The following PRDM16 variants were observed in gnomAD, a reference collection of about 807,000 sequenced individuals.
PRDM16 encodes the protein PR/SET domain 16.
In PRDM16, 23 loss-of-function variants were observed where a neutral mutation model predicts 110.6. That is an observed-to-expected ratio of 0.21 (90% confidence interval 0.15 to 0.29). The LOEUF (loss-of-function observed/expected upper bound fraction) is 0.29. Ranked by LOEUF, PRDM16 falls within the 10% of genes least tolerant of loss-of-function variation. The probability of loss-of-function intolerance (pLI) is 1.00; values close to 1 mark genes in which losing one functional copy is unlikely to be tolerated. For synonymous variants in PRDM16, 799 were observed against 781.8 expected (o/e 1.02, Z -0.37); for missense variants, 1,615 against 1,794.3 (o/e 0.90, Z 1.81).
At chr1:3,342,885 C>A (rs1642299286) in intron 3 of PRDM16, among the ~76,000 whole-genome samples, 1 of 152,158 alleles carries the variant, frequency 6.6e-6, no homozygotes, top group African/African-American at 2.4e-5. Flanking sequence ...GTTGTCTATC[C>A]ACTGTCCTAG....
At chr1:3,154,715 C>A (rs1437291178) in intron 1 of PRDM16, among the ~76,000 whole-genome samples, 1 of 152,160 alleles carries the variant, frequency 6.6e-6, no homozygotes, top group East Asian at 1.9e-4. Flanking sequence ...AGGCATGGAG[C>A]CCTGGTTGAG....
intron 1 of PRDM16, among the ~76,000 whole-genome samples, chr1:3,124,433 C>A (rs1643161823): frequency 6.6e-6 from 1 of 152,148 alleles, no homozygotes; most frequent in African/African-American, 2.4e-5. Context: ...GCTCCCGTGG[C>A]CTCTAAACAT....
intron 1 of PRDM16, among the ~76,000 whole-genome samples, chr1:3,111,354 C>G (rs1557453257): frequency 6.8e-6 from 1 of 147,510 alleles, no homozygotes; most frequent in Admixed American, 6.9e-5. Context: ...ACAAGAGTCT[C>G]CCTCCTGAAG....
intron 3 of PRDM16, among the ~76,000 whole-genome samples, chr1:3,376,840 C>T (rs2100588591): frequency 6.6e-6 from 1 of 152,104 alleles, no homozygotes; most frequent in South Asian, 2.1e-4. Flanking sequence ...CTCCTGTGTC[C>T]CTGGCCGTGG....
intron 2 of PRDM16, among the ~76,000 whole-genome samples, chr1:3,219,283 C>T (rs900755504): frequency 2.6e-5 from 4 of 152,240 alleles, no homozygotes; most frequent in South Asian, 4.1e-4. Flanking sequence ...GGAGTGTCAG[C>T]GCAGTGAAAG....
intron 12 of PRDM16, among the ~76,000 whole-genome samples, chr1:3,419,697 G>A (rs1358337435): frequency 1.3e-5 from 2 of 152,052 alleles, no homozygotes; most frequent in East Asian, 3.9e-4. Context: ...GAGCTAGAGG[G>A]GCCACATGAT....
At chr1:3,360,694 C>A (rs1376312840) in intron 3 of PRDM16, among the ~76,000 whole-genome samples, 1 of 152,210 alleles carries the variant, frequency 6.6e-6, no homozygotes, top group Non-Finnish European at 1.5e-5. Context: ...GGCCTCTGGG[C>A]AGACCTGGGT....
At chr1:3,293,504 C>T (rs752650128) in intron 3 of PRDM16, among the ~76,000 whole-genome samples, 20 of 152,204 alleles carry the variant, frequency 1.3e-4, no homozygotes, top group Non-Finnish European at 8.8e-5. Context: ...AACGTTGGAA[C>T]GCAAACTTAT....
At chr1:3,181,183 C>CACA (rs1557508222) in intron 1 of PRDM16, among the ~76,000 whole-genome samples, 1 of 149,648 alleles carries the variant, frequency 6.7e-6, no homozygotes, top group Non-Finnish European at 1.5e-5. Flanking sequence ...GTCTTACACA[C>CACA]GCAGTCTTAC....
At chr1:3,431,216 C>A in intron 15 of PRDM16, 108 bp downstream of exon 15, 13 of 1,463,920 alleles carry the variant, frequency 8.9e-6, no homozygotes, top group Non-Finnish European at 1.2e-5. Flanking sequence ...TGGCTCAGCC[C>A]CTACTCCAGC....
At chr1:3,357,792 C>G (rs1642637996) in intron 3 of PRDM16, among the ~76,000 whole-genome samples, 2 of 152,244 alleles carry the variant, frequency 1.3e-5, no homozygotes, top group East Asian at 3.8e-4. Context: ...TGGTTGTCAC[C>G]TCTGGGGGTG....
At chr1:3,424,619 A>C (rs1326291200) in intron 12 of PRDM16, among the ~76,000 whole-genome samples, 1 of 152,250 alleles carries the variant, frequency 6.6e-6, no homozygotes, top group East Asian at 1.9e-4. Context: ...CAGTGCCCAA[A>C]GGGGCCAGTG....
At chr1:3,424,544 G>A (rs375453160) in intron 12 of PRDM16, among the ~76,000 whole-genome samples, 5 of 152,262 alleles carry the variant, frequency 3.3e-5, no homozygotes, top group Non-Finnish European at 7.3e-5. Flanking sequence ...CCACGTGCAC[G>A]GTGCAGGCCG....
chr1:3,338,368 T>C (rs1164901439), intron 3 of PRDM16, among the ~76,000 whole-genome samples: 1 of 152,250 alleles, frequency 6.6e-6, no homozygotes, highest in Non-Finnish European at 1.5e-5. Flanking sequence ...ACATTTGGCC[T>C]CTAGGCTTAT....
At position 3,114,757 on chromosome 1, in the gene PRDM16, C is replaced by T. The variant is rs562579819; in HGVS notation, c.37+45461C>T. On this transcript the variant is annotated intron_variant, in intron 1 of 16. Transcript: ENST00000270722. ...TAGATGGTGGGGTGCAGGCCCCTGA[C>T]GGGGAGCTCCTGCGCTTCACCAAAC... is the stretch of plus-strand genomic sequence containing the variant. 5.9e-5 allele frequency among the ~76,000 whole-genome samples: 9 copies of T among 152,360 alleles called. No individual in the cohort carries two copies. The South Asian group carries it at 1.0e-3, about 18-fold the overall frequency.
intron 14 of PRDM16, among the ~76,000 whole-genome samples, chr1:3,427,912 A>G (rs61759212): frequency 0.16 from 24,878 of 152,152 alleles, 2,175 homozygotes; most frequent in Non-Finnish European, 0.18. Context: ...AGACAGCCGC[A>G]TGGGAGCTGT....
chr1:3,129,190 G>T (rs1418040101), intron 1 of PRDM16, among the ~76,000 whole-genome samples: 2 of 151,068 alleles, frequency 1.3e-5, no homozygotes, highest in Non-Finnish European at 3.0e-5. Flanking sequence ...TAGTGTGTGG[G>T]TGTGTGGATA....
In PRDM16 at chr1:3,212,029, G is replaced by T. The variant is rs1035562954; in HGVS notation, c.387+25555G>T. ...GTTCTCCGGGTGGATTAATCCTCGCGTCGTCTTTGGGCCGTCAGTTTGGGA... is the reference window on the plus strand; with the variant it reads ...GTTCTCCGGGTGGATTAATCCTCGCTTCGTCTTTGGGCCGTCAGTTTGGGA... On this transcript the variant is annotated intron_variant, in intron 2 of 16. Coordinates refer to ENST00000270722, the MANE Select transcript of PRDM16 (RefSeq NM_022114.4). Among the ~76,000 whole-genome samples, 8 of 152,326 alleles carry T rather than the reference G, an allele frequency of 5.3e-5. No individual in the cohort carries two copies. The East Asian group carries it at 1.4e-3, about 26-fold the overall frequency.
chr1:3,125,332 G>A (rs879883761), intron 1 of PRDM16, among the ~76,000 whole-genome samples: 24 of 152,358 alleles, frequency 1.6e-4, no homozygotes, highest in Admixed American at 1.4e-3. Flanking sequence ...CCCAGTGCCC[G>A]CTGATTGGAT....
Sources: gnomAD v4.1 joint callset for allele counts (sites outside exome capture counted in the v4.1 genomes callset) on GRCh38, gnomAD v4.1.1 for gene constraint, MANE v1.5 for transcripts, NCBI Gene and HGNC (gene_info 2026-07-23, HGNC 2026-07-21) for gene names.